Variants in PRR5L observed in about 807,000 individuals in gnomAD.
PRR5L encodes proline rich 5 like, also known as proline-rich protein 5-like.
A neutral mutation model predicts 36.4 loss-of-function variants in PRR5L; 21 were observed. The ratio of observed to expected loss-of-function variants is 0.58; its 90% CI spans 0.41 to 0.83. PRR5L has a LOEUF of 0.83. PRR5L is among the 40% of genes least tolerant of loss of function. The pLI, the probability that PRR5L is intolerant of heterozygous loss-of-function variation, is 0.00. For synonymous variants in PRR5L, 188 were observed against 197.0 expected, an observed-to-expected ratio of 0.95 and a Z score of 0.38; for missense variants, 381 against 473.3, an observed-to-expected ratio of 0.80 and a Z score of 1.81.
At chr11:36,298,817 G>A (rs947068088) in intron 1 of PRR5L, among the ~76,000 whole-genome samples, 8 of 152,170 alleles carry the variant, frequency 5.3e-5, no homozygotes, top group African/African-American at 1.9e-4. Context: ...TCTGTCCTTG[G>A]CTTGTGGATG....
rs187743483 is a variant in PRR5L at position 36,384,004 on chromosome 11, T to C, written c.-125-16993T>C. On this transcript the variant is annotated intron_variant, in intron 1 of 8. Transcript: ENST00000530639. ...CAATTACTATTCCCTTTTATTATTA[T>C]ATTATTGTAGGAGCCATATCTGGCT... Among the ~76,000 whole-genome samples the C allele has an allele frequency of 1.5e-3, 229 of 152,280 alleles. 4 individuals are homozygous for C. The highest frequency in any genetic ancestry group is 5.1e-3 in the African/African-American group (214 of 41,564).
chr11:36,391,975 C>T (rs1239124288), intron 1 of PRR5L, among the ~76,000 whole-genome samples: 1 of 152,168 alleles, frequency 6.6e-6, no homozygotes, highest in Non-Finnish European at 1.5e-5. Flanking sequence ...CACAACTACC[C>T]CTTCCAAGTC....
At chr11:36,351,250 T>A (rs1347221597) in intron 1 of PRR5L, among the ~76,000 whole-genome samples, 2 of 63,678 alleles carry the variant, frequency 3.1e-5, no homozygotes, top group African/African-American at 7.0e-5. Flanking sequence ...ATATATATTT[T>A]TATATATGTA....
rs1299809085 is a variant in PRR5L, at chr11:36,462,844, T to C, written c.*108T>C. The stretch of plus-strand genomic sequence containing the variant: ...TCTTGCTTTATGCGATGCTGCCTTA[T>C]TTCCTTTAGGGTACTGTCCTGGTCA... On this transcript the variant is annotated 3_prime_UTR_variant, in exon 9 of 9. Coordinates refer to ENST00000530639, the MANE Select transcript of PRR5L (RefSeq NM_001160167.2). 2 of 1,087,790 alleles carry C rather than the reference T, an allele frequency of 1.8e-6. No individual in the cohort carries two copies. Among genetic ancestry groups the C allele is most frequent in the Non-Finnish European group, 2.6e-6 (2 of 779,700 alleles). The allele number at this position is 1,087,790 out of a possible 1,614,324, so 67.4% of individuals were successfully genotyped here. A position where few individuals can be genotyped will look rare whatever the true frequency, so the allele number is the denominator to read the frequency against.
intron 1 of PRR5L, among the ~76,000 whole-genome samples, chr11:36,382,889 A>C (rs1433231407): frequency 6.6e-6 from 1 of 152,192 alleles, no homozygotes; most frequent in African/African-American, 2.4e-5. Context: ...GTACAAATTT[A>C]GGTATCTTGG....
At chr11:36,363,224 A>G (rs566373669) in intron 1 of PRR5L, among the ~76,000 whole-genome samples, 1 of 152,356 alleles carries the variant, frequency 6.6e-6, no homozygotes, top group Non-Finnish European at 1.5e-5. Context: ...ACCAGGAGAC[A>G]GAAAGAGAGG....
chr11:36,309,665 T>TATTGA (rs1590428293), intron 1 of PRR5L, among the ~76,000 whole-genome samples: 2 of 152,102 alleles, frequency 1.3e-5, no homozygotes, highest in South Asian at 2.1e-4. Flanking sequence ...ATGGTGGTGG[T>TATTGA]GGTATATGAT....
chr11:36,309,189 T>C (rs1856468734), intron 1 of PRR5L, among the ~76,000 whole-genome samples: 1 of 152,120 alleles, frequency 6.6e-6, no homozygotes, highest in Non-Finnish European at 1.5e-5. Context: ...TTTTGGTGAG[T>C]TTCTTGGAGC....
At chr11:36,357,842 G>A (rs573002130) in intron 1 of PRR5L, among the ~76,000 whole-genome samples, 1 of 152,338 alleles carries the variant, frequency 6.6e-6, no homozygotes, top group South Asian at 2.1e-4. Context: ...GCAGCCCAGG[G>A]ATCAAGGAGT....
chr11:36,399,664 G>A (rs1468120995), intron 1 of PRR5L, among the ~76,000 whole-genome samples: 1 of 152,198 alleles, frequency 6.6e-6, no homozygotes, highest in East Asian at 1.9e-4. Context: ...ACACTTCTGG[G>A]CTAAACCTAC....
intron 1 of PRR5L, among the ~76,000 whole-genome samples, chr11:36,372,052 C>T (rs1406116835): frequency 6.6e-6 from 1 of 151,854 alleles, no homozygotes; most frequent in East Asian, 1.9e-4. Context: ...AGAGAGATTC[C>T]ATCTCAAAAA....
intron 3 of PRR5L, among the ~76,000 whole-genome samples, chr11:36,410,706 A>G (rs1402947996): frequency 1.3e-5 from 2 of 152,214 alleles, no homozygotes; most frequent in African/African-American, 4.8e-5. Context: ...TGAGTACTCC[A>G]TGTCCTGAGT....
At chr11:36,389,939 A>G (rs995751120) in intron 1 of PRR5L, among the ~76,000 whole-genome samples, 2 of 152,172 alleles carry the variant, frequency 1.3e-5, no homozygotes, top group African/African-American at 2.4e-5. Flanking sequence ...CCTGTCTCTC[A>G]GCAATGATGC....
chr11:36,400,795 T>G (rs1413879475), intron 1 of PRR5L, among the ~76,000 whole-genome samples: 1 of 152,224 alleles, frequency 6.6e-6, no homozygotes, highest in Non-Finnish European at 1.5e-5. Context: ...TGTCACTGTC[T>G]TCCCACTTGA....
intron 1 of PRR5L, among the ~76,000 whole-genome samples, chr11:36,389,832 C>G (rs1423449546): frequency 6.6e-6 from 1 of 152,072 alleles, no homozygotes; most frequent in South Asian, 2.1e-4. Flanking sequence ...AGGCTGGTCT[C>G]GAACTCCTGA....
rs141173279 is a variant in PRR5L at position 36,401,523 on chromosome 11, C to T, written c.164+238C>T. ...CACTGCAGCCTCAAACTTCTGGGCT[C>T]GGGCGATCCTCCTGCCCCAGCCTCC... On this transcript the variant is annotated intron_variant, in intron 2 of 8. Coordinates refer to ENST00000530639, the MANE Select transcript of PRR5L (RefSeq NM_001160167.2). 1.2e-3 allele frequency among the ~76,000 whole-genome samples: 182 copies of T among 152,288 alleles called. 4 individuals carry two copies. In the East Asian group the frequency reaches 0.031, roughly 26 times the overall value.
intron 1 of PRR5L, among the ~76,000 whole-genome samples, chr11:36,333,404 T>C (rs1856738508): frequency 1.3e-5 from 2 of 152,152 alleles, no homozygotes; most frequent in Non-Finnish European, 2.9e-5. Context: ...AAATGAAGCA[T>C]ACATCTATAT....
chr11:36,370,650 C>A (rs532585292), intron 1 of PRR5L, among the ~76,000 whole-genome samples: 2 of 152,048 alleles, frequency 1.3e-5, no homozygotes, highest in South Asian at 2.1e-4. Context: ...GGGAGGCCAA[C>A]GCGGGCAAAT....
intron 1 of PRR5L, among the ~76,000 whole-genome samples, chr11:36,331,787 A>T (rs1856721937): frequency 6.6e-6 from 1 of 152,252 alleles, no homozygotes; most frequent in Admixed American, 6.5e-5. Flanking sequence ...ATTTTTATTC[A>T]TGTATATCCA....
Sources: allele counts gnomAD v4.1 joint callset (sites outside exome capture counted in the v4.1 genomes callset), GRCh38; gene constraint gnomAD v4.1.1; transcripts MANE v1.5; gene names NCBI Gene and HGNC (gene_info 2026-07-23, HGNC 2026-07-21).